Variants in RPS6KA1 observed in about 807,000 individuals in gnomAD.
The protein encoded by RPS6KA1 is ribosomal protein S6 kinase alpha-1.
Under a neutral mutation model 91.3 loss-of-function variants are expected in RPS6KA1, and 48 were observed. The ratio of observed to expected loss-of-function variants is 0.53; its 90% confidence interval spans 0.42 to 0.67. The LOEUF is 0.67. Among genes scored for constraint, RPS6KA1 ranks in the 30% least tolerant of loss-of-function variants. The probability of loss-of-function intolerance (pLI) is 0.00; values close to 1 mark genes in which losing one functional copy is unlikely to be tolerated. For synonymous variants in RPS6KA1, 359 were observed against 384.7 expected, an observed-to-expected ratio of 0.93 and a Z score of 0.78; for missense variants, 719 against 960.5, an observed-to-expected ratio of 0.75 and a Z score of 3.32.
In RPS6KA1 at chr1:26,553,407, A is replaced by T. The variant is rs750164804; in HGVS notation, c.485A>T (p.Glu162Val). The T allele has an allele frequency of 1.9e-6, 3 of 1,611,832 alleles. No individual in the cohort carries two copies. The highest frequency in any genetic ancestry group is 2.5e-6 in the Non-Finnish European group (3 of 1,178,392). The change falls in exon 7 of 22, where the codon GAG (glutamate) becomes GTG (valine). Residue 162 changes from glutamate (E) to valine (V), a missense_variant. Glu to Val is a moderately radical substitution (Grantham distance 121, BLOSUM62 -2). Coordinates refer to ENST00000374168, the MANE Select transcript of RPS6KA1 (RefSeq NM_002953.4). ...RLSKEVMFTE[E>V]DVKFYLAELA... The stretch of plus-strand genomic sequence containing the variant: ...CTTTTGCAGGTGATGTTCACGGAGG[A>T]GGATGTGAAGTTTTACCTGGCTGAG...
chr1:26,563,248 A>G (rs368633403), intron 17 of RPS6KA1, among the ~76,000 whole-genome samples: 1 of 150,330 alleles, frequency 6.7e-6, no homozygotes, highest in Non-Finnish European at 1.5e-5. Context: ...TTTTTTTGAG[A>G]CAGGGTCTCA....
intron 2 of RPS6KA1, among the ~76,000 whole-genome samples, chr1:26,542,348 G>A (rs901938807): frequency 5.3e-5 from 8 of 152,230 alleles, no homozygotes; most frequent in Non-Finnish European, 7.3e-5. Flanking sequence ...CCATCCACCC[G>A]CAGAGACTCT....
At chr1:26,570,749 GA>G (rs2076242045) in intron 17 of RPS6KA1, among the ~76,000 whole-genome samples, 1 of 152,186 alleles carries the variant, frequency 6.6e-6, no homozygotes, top group South Asian at 2.1e-4. Flanking sequence ...GGCAGACTCA[GA>G]AAACAAATTA....
At position 26,558,941 on chromosome 1, in the gene RPS6KA1, AG is replaced by A. The variant is rs2076130265; in HGVS notation, c.1215+10del. Reference sequence around the variant, plus strand: ...ACCCCTGCACTCGGTGGTACAGGTGAGGGGGGCAGGGGGCTGCTGCTCCATT... The same window carrying A: ...ACCCCTGCACTCGGTGGTACAGGTGAGGGGGCAGGGGGCTGCTGCTCCATT... On this transcript the variant is annotated splice_donor_5th_base_variant and intron_variant, in intron 14 of 21. Coordinates refer to ENST00000374168, the MANE Select transcript of RPS6KA1 (RefSeq NM_002953.4). The surrounding 1 kb of genome is among the most constrained non-coding windows in gnomAD (Gnocchi z 4.0). The A allele has an allele frequency of 3.7e-6, 6 of 1,605,404 alleles. No individual in the cohort carries two copies. The highest frequency in any genetic ancestry group is 2.2e-5 in the East Asian group (1 of 44,550).
At chr1:26,552,432 C>T in intron 6 of RPS6KA1, among the ~76,000 whole-genome samples, 1 of 142,332 alleles carries the variant, frequency 7.0e-6, no homozygotes, top group Non-Finnish European at 1.5e-5. Flanking sequence ...GAAAATGGGA[C>T]CATTCGTACA....
In RPS6KA1 at chr1:26,547,679, A is replaced by G; in HGVS notation, c.307+409A>G. 1 of 228,222 alleles carries G rather than the reference A, an allele frequency of 4.4e-6. No individual in the cohort carries two copies. Among genetic ancestry groups the G allele is most frequent in the Non-Finnish European group, 9.0e-6 (1 of 110,644 alleles). The allele number at this position is 228,222 out of a possible 1,614,324, so 14.1% of individuals were successfully genotyped here. Reference sequence around the variant, plus strand: ...CAGGGAGGCAGCTGGGCTAGGCAAGAGAGGGTGAGTCCAGGCAGGGCCACA... The same window carrying G: ...CAGGGAGGCAGCTGGGCTAGGCAAGGGAGGGTGAGTCCAGGCAGGGCCACA... On this transcript the variant is annotated intron_variant, in intron 4 of 21. Transcript: ENST00000374168. This position sits in a 1 kb window ranked among gnomAD's most constrained non-coding sequence, Gnocchi z 4.1.
At position 26,571,583 on chromosome 1, in the gene RPS6KA1, C is replaced by T. The variant is rs1249838246; in HGVS notation, c.1725C>T (p.Cys575=). The T allele has an allele frequency of 1.2e-6, 2 of 1,614,170 alleles. No homozygotes were observed. The highest frequency in any genetic ancestry group is 2.2e-5 in the South Asian group (2 of 91,086). The change falls in exon 18 of 22, where the codon TGC becomes TGT. Residue 575 remains cysteine (C), a synonymous_variant. Coordinates refer to ENST00000374168, the MANE Select transcript of RPS6KA1 (RefSeq NM_002953.4). The surrounding 1 kb of genome is among the most constrained non-coding windows in gnomAD (Gnocchi z 5.1). ...RAENGLLMTP[C]YTANFVAPEV... is the part of the protein sequence containing the mutation. ...AGAATGGGCTCCTCATGACACCTTG[C>T]TACACAGCCAACTTTGTGGCGCCTG...
intron 2 of RPS6KA1, among the ~76,000 whole-genome samples, chr1:26,542,409 G>T (rs757729791): frequency 1.3e-5 from 2 of 152,234 alleles, no homozygotes; most frequent in African/African-American, 2.4e-5. Context: ...ATGTGTTTCT[G>T]CATAGGGGTT....
rs1478272410 is a variant in RPS6KA1 at position 26,547,886 on chromosome 1, A to G, written c.307+616A>G. On this transcript the variant is annotated intron_variant, in intron 4 of 21. Transcript: ENST00000374168. The surrounding 1 kb of genome is among the most constrained non-coding windows in gnomAD (Gnocchi z 4.1). ...AGCCAAGTCTCTCTTTAAATAAGTC[A>G]AGGCCGGGCGCGGTGGCTCACACCT... Among the ~76,000 whole-genome samples, 4 of 152,132 alleles carry G rather than the reference A, an allele frequency of 2.6e-5. No homozygotes were observed. Among genetic ancestry groups the G allele is most frequent in the African/African-American group, 9.7e-5 (4 of 41,406 alleles).
chr1:26,545,422 C>T (rs1431204043), intron 2 of RPS6KA1, among the ~76,000 whole-genome samples: 1 of 151,288 alleles, frequency 6.6e-6, no homozygotes, highest in African/African-American at 2.4e-5. Context: ...ATGATCCGCC[C>T]GCCTCAGCCT....
In RPS6KA1 at chr1:26,551,356, A is replaced by G; in HGVS notation, c.308-41A>G. 1.3e-6 allele frequency: 2 copies of G among 1,575,002 alleles called. No individual in the cohort carries two copies. The highest frequency in any genetic ancestry group is 1.7e-6 in the Non-Finnish European group (2 of 1,145,222). On this transcript the variant is annotated intron_variant, in intron 4 of 21. Transcript: ENST00000374168. The surrounding 1 kb of genome is among the most constrained non-coding windows in gnomAD (Gnocchi z 4.5). ...CGGGGGCTTGGGAGTGGCTGTGTTGAGTGTCTAGGCTACTGGTGACTTCCT... is the reference window on the plus strand; with the variant it reads ...CGGGGGCTTGGGAGTGGCTGTGTTGGGTGTCTAGGCTACTGGTGACTTCCT...
In RPS6KA1 at chr1:26,540,090, C is replaced by T. The variant is rs1408776184; in HGVS notation, c.108+3121C>T. Among the ~76,000 whole-genome samples the T allele has an allele frequency of 6.6e-6, 1 of 152,190 alleles. No homozygotes were observed. The highest frequency in any genetic ancestry group is 1.5e-5 in the Non-Finnish European group (1 of 68,034). On this transcript the variant is annotated intron_variant, in intron 2 of 21. Transcript: ENST00000374168. This position sits in a 1 kb window ranked among gnomAD's most constrained non-coding sequence, Gnocchi z 4.2. ...AGAAGGCCAGCCACCCTCCTAGTAC[C>T]TGGGGCCCTGTGGCTGGGCTCTGTC... is the stretch of plus-strand genomic sequence containing the variant.
intron 13 of RPS6KA1, 58 bp downstream of exon 13, chr1:26,557,158 C>A: frequency 3.6e-6 from 5 of 1,394,764 alleles, no homozygotes; most frequent in South Asian, 3.5e-5. Context: ...AGCCGGGAGT[C>A]GGTGGCAGCT....
chr1:26,536,152 TAAA>T (rs35238041), intron 1 of RPS6KA1, among the ~76,000 whole-genome samples: 2 of 74,416 alleles, frequency 2.7e-5, no homozygotes, highest in Non-Finnish European at 5.2e-5. Flanking sequence ...AAACTCTGTC[TAAA>T]AAAAAAAAAA....
chr1:26,554,273 C>T lies in RPS6KA1; in HGVS notation c.613+22C>T, dbSNP rs889622049. The T allele has an allele frequency of 1.3e-6, 2 of 1,555,700 alleles. No homozygotes were observed. The highest frequency in any genetic ancestry group is 1.7e-6 in the Non-Finnish European group (2 of 1,149,106). Reference sequence around the variant, plus strand: ...ACTGGTGAGTGGAGGGCGCCTGCCCCCTCGGGACCCAGGGGAGGACAGGAC... The same window carrying T: ...ACTGGTGAGTGGAGGGCGCCTGCCCTCTCGGGACCCAGGGGAGGACAGGAC... On this transcript the variant is annotated intron_variant, in intron 8 of 21. Transcript: ENST00000374168. The surrounding 1 kb of genome is among the most constrained non-coding windows in gnomAD (Gnocchi z 4.6).
chr1:26,564,167 T>A (rs1409346205), intron 17 of RPS6KA1, among the ~76,000 whole-genome samples: 1 of 152,120 alleles, frequency 6.6e-6, no homozygotes, highest in Non-Finnish European at 1.5e-5. Context: ...CGTCATCCAA[T>A]CTATGGAGGT....
At chr1:26,563,814 G>A (rs2076175466) in intron 17 of RPS6KA1, among the ~76,000 whole-genome samples, 1 of 152,124 alleles carries the variant, frequency 6.6e-6, no homozygotes, top group Admixed American at 6.5e-5. Flanking sequence ...GGGGGGGATG[G>A]GAATGAGGTT....
At position 26,574,602 on chromosome 1, in the gene RPS6KA1, T is replaced by C. The variant is rs2076280631; in HGVS notation, c.*401T>C. The C allele has an allele frequency of 2.6e-6, 1 of 388,794 alleles. No homozygotes were observed. Among genetic ancestry groups the C allele is most frequent in the Non-Finnish European group, 5.1e-6 (1 of 197,228 alleles). 24.1% of individuals were successfully genotyped at this position (388,794 alleles called of 1,614,324 possible). A position where few individuals can be genotyped will look rare whatever the true frequency, so the allele number is the denominator to read the frequency against. On this transcript the variant is annotated 3_prime_UTR_variant, in exon 22 of 22. Coordinates refer to ENST00000374168, the MANE Select transcript of RPS6KA1 (RefSeq NM_002953.4). This position sits in a 1 kb window ranked among gnomAD's most constrained non-coding sequence, Gnocchi z 4.3. Reference sequence around the variant, plus strand: ...GATCCCACCCTGGGGACCCCCACGATTGGCCACCTGTAGCCATCTGCACAC... The same window carrying C: ...GATCCCACCCTGGGGACCCCCACGACTGGCCACCTGTAGCCATCTGCACAC...
chr1:26,558,944 G>C lies in RPS6KA1; in HGVS notation c.1215+7G>C. 8 of 1,605,608 alleles carry C rather than the reference G, an allele frequency of 5.0e-6. No homozygotes were observed. Among genetic ancestry groups the C allele is most frequent in the Non-Finnish European group, 6.8e-6 (8 of 1,173,372 alleles). On this transcript the variant is annotated splice_region_variant and intron_variant, in intron 14 of 21. Transcript: ENST00000374168. The surrounding 1 kb of genome is among the most constrained non-coding windows in gnomAD (Gnocchi z 4.0). ...CCTGCACTCGGTGGTACAGGTGAGG[G>C]GGGCAGGGGGCTGCTGCTCCATTAT...
Sources: gnomAD v4.1 joint callset for allele counts (sites outside exome capture counted in the v4.1 genomes callset) on GRCh38, gnomAD v4.1.1 for gene constraint, Gnocchi (gnomAD v3.1) non-coding constraint, MANE v1.5 for transcripts, NCBI Gene and HGNC (gene_info 2026-07-23, HGNC 2026-07-21) for gene names.